BACH2: variants seen among roughly 807,000 people sequenced by gnomAD.
BACH2 encodes BACH transcriptional regulator 2, also known as transcription regulator protein BACH2.
BACH2 carries 5 observed loss-of-function variants against 61.8 expected under a neutral mutation model. The ratio of observed to expected loss-of-function variants is 0.08; its 90% CI spans 0.04 to 0.17. The LOEUF (loss-of-function observed/expected upper bound fraction) is 0.17. Ranked by LOEUF, BACH2 falls within the 10% of genes least tolerant of loss-of-function variation. The pLI, the probability that BACH2 is intolerant of heterozygous loss-of-function variation, is 1.00. For synonymous variants in BACH2, 446 were observed against 440.1 expected (o/e 1.01, Z -0.17); for missense variants, 824 against 1,091.1 (o/e 0.76, Z 3.45).
At chr6:90,247,597 T>C (rs910218470) in intron 3 of BACH2, among the ~76,000 whole-genome samples, 4 of 152,144 alleles carry the variant, frequency 2.6e-5, no homozygotes, top group Non-Finnish European at 5.9e-5. Context: ...TTTAAGGTAA[T>C]TAAAATCAAC....
intron 5 of BACH2, among the ~76,000 whole-genome samples, chr6:90,049,599 G>A (rs1779942806): frequency 6.6e-6 from 1 of 152,152 alleles, no homozygotes; most frequent in Non-Finnish European, 1.5e-5. Context: ...GTAATGGTGG[G>A]TAAAACTGCT....
chr6:90,295,898 G>C (rs2127897036), intron 1 of BACH2, among the ~76,000 whole-genome samples: 1 of 152,278 alleles, frequency 6.6e-6, no homozygotes, highest in East Asian at 1.9e-4. Context: ...GGTCGCGGTG[G>C]TCCGGGCCAC....
At position 89,927,237 on chromosome 6, in the gene BACH2, C is replaced by G. The variant is rs1368500362; in HGVS notation, c.*5171G>C. 6.5e-6 allele frequency: 1 copy of G among 152,798 alleles called. No homozygotes were observed. The highest frequency in any genetic ancestry group is 1.5e-5 in the Non-Finnish European group (1 of 68,050). The allele number at this position is 152,798 out of a possible 1,614,324, so 9.5% of individuals were successfully genotyped here. On this transcript the variant is annotated 3_prime_UTR_variant, in exon 9 of 9. Transcript: ENST00000257749. Reference sequence around the variant, plus strand: ...AATGCATATGGAATCTTCCTGATCACTCACTAGAGGTGCCATGTCTTTATG... The same window carrying G: ...AATGCATATGGAATCTTCCTGATCAGTCACTAGAGGTGCCATGTCTTTATG...
At chr6:90,039,349 G>T (rs1779414655) in intron 5 of BACH2, among the ~76,000 whole-genome samples, 1 of 152,010 alleles carries the variant, frequency 6.6e-6, no homozygotes, top group Non-Finnish European at 1.5e-5. Flanking sequence ...TCCTCCATTG[G>T]GACAGTACCA....
chr6:89,936,684 C>G (rs1158772207), intron 8 of BACH2, among the ~76,000 whole-genome samples: 1 of 152,020 alleles, frequency 6.6e-6, no homozygotes, highest in Non-Finnish European at 1.5e-5. Context: ...GACATTTTCC[C>G]TGGTGGTGAG....
At chr6:90,265,074 T>G (rs1771279863) in intron 2 of BACH2, among the ~76,000 whole-genome samples, 1 of 152,208 alleles carries the variant, frequency 6.6e-6, no homozygotes, top group South Asian at 2.1e-4. Flanking sequence ...ACATTGTAAC[T>G]CAAGGCATGC....
rs114273573 is a variant in BACH2 at position 89,988,909 on chromosome 6, G to T, written c.243+19693C>A. Among the ~76,000 whole-genome samples, 339 of 152,306 alleles carry T rather than the reference G, an allele frequency of 2.2e-3. 6 individuals carry two copies. The highest frequency in any genetic ancestry group is 7.4e-3 in the African/African-American group (308 of 41,560). On this transcript the variant is annotated intron_variant, in intron 6 of 8. Transcript: ENST00000257749. ...GACAATGGTTAGCACCTGACTCTGG[G>T]TTAAAATTTTTTGGGTAGTTCCCTC...
At chr6:90,291,458 A>T (rs902546102) in intron 1 of BACH2, among the ~76,000 whole-genome samples, 1 of 151,814 alleles carries the variant, frequency 6.6e-6, no homozygotes, top group African/African-American at 2.4e-5. Flanking sequence ...TAGCATGCTG[A>T]TAGTAAAATT....
intron 5 of BACH2, among the ~76,000 whole-genome samples, chr6:90,030,058 C>A (rs1778878940): frequency 6.6e-6 from 1 of 152,198 alleles, no homozygotes; most frequent in African/African-American, 2.4e-5. Flanking sequence ...AAACACATTG[C>A]CCATTGGCTC....
chr6:90,145,610 G>A (rs62408205), intron 4 of BACH2, among the ~76,000 whole-genome samples: 36,973 of 152,098 alleles, frequency 0.24, 5,755 homozygotes, highest in Non-Finnish European at 0.35. Flanking sequence ...TCCCTCGAGG[G>A]TCTCTTTCTG....
At chr6:90,185,624 A>G (rs187517851) in intron 4 of BACH2, among the ~76,000 whole-genome samples, 1 of 152,326 alleles carries the variant, frequency 6.6e-6, no homozygotes, top group Non-Finnish European at 1.5e-5. Flanking sequence ...TTAAGAAATA[A>G]GGTTACTTAA....
chr6:90,080,943 A>C (rs1223734609), intron 5 of BACH2, among the ~76,000 whole-genome samples: 1 of 152,092 alleles, frequency 6.6e-6, no homozygotes, highest in African/African-American at 2.4e-5. Flanking sequence ...GTGTTGTAAA[A>C]ACACAGGCAA....
chr6:90,288,103 T>C (rs1327059182), intron 1 of BACH2, among the ~76,000 whole-genome samples: 1 of 152,208 alleles, frequency 6.6e-6, no homozygotes, highest in Non-Finnish European at 1.5e-5. Flanking sequence ...TGTCTACATT[T>C]TCCTCTTGCT....
intron 4 of BACH2, among the ~76,000 whole-genome samples, chr6:90,179,746 G>A (rs571174599): frequency 6.6e-6 from 1 of 152,236 alleles, no homozygotes; most frequent in South Asian, 2.1e-4. Flanking sequence ...ATTAATTAAA[G>A]CCATTTATAG....
intron 5 of BACH2, among the ~76,000 whole-genome samples, chr6:90,068,641 T>C (rs546206192): frequency 6.6e-6 from 1 of 151,730 alleles, no homozygotes; most frequent in Non-Finnish European, 1.5e-5. Context: ...TGTTGTTGTT[T>C]TTTTTTTTTG....
chr6:89,959,750 T>C (rs1774635133), intron 6 of BACH2, among the ~76,000 whole-genome samples: 1 of 152,192 alleles, frequency 6.6e-6, no homozygotes, highest in African/African-American at 2.4e-5. Flanking sequence ...AACTCATATG[T>C]TGGTTATTTA....
At chr6:90,095,886 A>G (rs1782363857) in intron 4 of BACH2, among the ~76,000 whole-genome samples, 2 of 152,180 alleles carry the variant, frequency 1.3e-5, no homozygotes, top group Admixed American at 6.5e-5. Flanking sequence ...TCTCTGGTAC[A>G]TGAGAGAACC....
chr6:90,077,948 C>T (rs1781546909), intron 5 of BACH2, among the ~76,000 whole-genome samples: 1 of 152,118 alleles, frequency 6.6e-6, no homozygotes, highest in Admixed American at 6.5e-5. Flanking sequence ...GTGAAATACA[C>T]AATACACTTT....
rs1226730543 is a variant in BACH2, at chr6:90,115,047, C to T, written c.-161-25938G>A. Among the ~76,000 whole-genome samples the T allele has an allele frequency of 2.0e-5, 3 of 152,106 alleles. No individual in the cohort carries two copies. The East Asian group carries it at 5.8e-4, about 29-fold the overall frequency. ...AGACACAAACAAATGGAAAAACATC[C>T]CATGCGCGTGGATAGGAATAATCAA... On this transcript the variant is annotated intron_variant, in intron 4 of 8. Transcript: ENST00000257749.
Sources: allele counts gnomAD v4.1 joint callset (sites outside exome capture counted in the v4.1 genomes callset), GRCh38; gene constraint gnomAD v4.1.1; transcripts MANE v1.5; gene names NCBI Gene and HGNC (gene_info 2026-07-23, HGNC 2026-07-21).